Variants in ACTR3C observed in about 807,000 individuals in gnomAD.
ACTR3C encodes the protein actin-related protein 3C.
ACTR3C carries 18 observed loss-of-function variants against 26.3 expected under a neutral mutation model. That is an observed-to-expected ratio of 0.68 (90% CI 0.47 to 1.01). ACTR3C has a LOEUF of 1.01. ACTR3C is among the 50% of genes least tolerant of loss of function. ACTR3C has a pLI of 0.00. For synonymous variants in ACTR3C, 55 were observed against 94.5 expected (o/e 0.58, Z 2.42); for missense variants, 184 against 250.7 (o/e 0.73, Z 1.80).
At chr7:149,948,527 A>G in the ACTR3C span, among the ~76,000 whole-genome samples, 2 of 150,384 alleles carry the variant, frequency 1.3e-5, no homozygotes, top group Admixed American at 6.6e-5. Context: ...TTCCTGCCCC[A>G]CCCTCTCCAT....
At chr7:150,107,705 T>C in the ACTR3C span, among the ~76,000 whole-genome samples, 1 of 150,766 alleles carries the variant, frequency 6.6e-6, no homozygotes, top group Non-Finnish European at 1.5e-5. Flanking sequence ...AAGGAGGAGG[T>C]AGGGGGAGAG....
intron 6 of ACTR3C, among the ~76,000 whole-genome samples, chr7:150,281,226 G>T (rs1241005662): frequency 6.6e-6 from 1 of 151,908 alleles, no homozygotes; most frequent in Non-Finnish European, 1.5e-5. Context: ...ACAGGAATGC[G>T]CGGCCGTCCA....
At chr7:150,221,813 T>C in the ACTR3C span, among the ~76,000 whole-genome samples, 1 of 151,880 alleles carries the variant, frequency 6.6e-6, no homozygotes, top group South Asian at 2.1e-4. Context: ...GCTAACACAG[T>C]GAAACCCCGT....
intron 1 of ACTR3C, among the ~76,000 whole-genome samples, chr7:150,310,572 C>T (rs986731368): frequency 4.0e-5 from 6 of 151,564 alleles, no homozygotes; most frequent in African/African-American, 1.5e-4. Context: ...CCCCCTTCCA[C>T]AACTCATTAT....
chr7:150,041,758 G>C, the ACTR3C span, among the ~76,000 whole-genome samples: 1 of 131,186 alleles, frequency 7.6e-6, no homozygotes, highest in African/African-American at 3.0e-5. Flanking sequence ...CCAGGGGGGG[G>C]AAGAGGGACT....
chr7:150,141,377 G>A, the ACTR3C span, among the ~76,000 whole-genome samples: 1 of 152,140 alleles, frequency 6.6e-6, no homozygotes. Flanking sequence ...GAGCAAGGGA[G>A]ATTCAACCCA....
chr7:149,945,666 G>A, the ACTR3C span, among the ~76,000 whole-genome samples: 5 of 152,068 alleles, frequency 3.3e-5, no homozygotes, highest in Admixed American at 6.6e-5. Context: ...ATCCTGGGGC[G>A]GGCAGAAGCA....
At chr7:150,302,559 G>T (rs1337400888) in intron 1 of ACTR3C, among the ~76,000 whole-genome samples, 13 of 151,798 alleles carry the variant, frequency 8.6e-5, no homozygotes, top group Admixed American at 8.5e-4. Flanking sequence ...AAGGAAATGA[G>T]GAGTATAATA....
chr7:149,914,690 G>GA, the ACTR3C span, among the ~76,000 whole-genome samples: 3,836 of 147,208 alleles, frequency 0.026, 161 homozygotes, highest in African/African-American at 0.087. Flanking sequence ...GATGATGGGA[G>GA]AAAAAAAAAA....
chr7:150,198,044 C>G, the ACTR3C span, among the ~76,000 whole-genome samples: 1 of 151,432 alleles, frequency 6.6e-6, no homozygotes, highest in Admixed American at 6.6e-5. Flanking sequence ...CGGGGTTTCG[C>G]TGTGTTGGCC....
At chr7:150,038,463 G>T in the ACTR3C span, among the ~76,000 whole-genome samples, 868 of 142,918 alleles carry the variant, frequency 6.1e-3, 58 homozygotes, top group Middle Eastern at 0.021. Flanking sequence ...AAAAGTTCCG[G>T]GTCCCCGCCC....
chr7:150,041,106 A>G, the ACTR3C span, among the ~76,000 whole-genome samples: 23 of 150,728 alleles, frequency 1.5e-4, 1 homozygote, highest in South Asian at 1.1e-3. Flanking sequence ...AGGCTTTGTC[A>G]GATCGGGTAG....
intron 6 of ACTR3C, among the ~76,000 whole-genome samples, chr7:150,255,351 C>T (rs961594414): frequency 2.1e-4 from 31 of 145,890 alleles, no homozygotes; most frequent in African/African-American, 7.6e-4. Context: ...ATCTGAACTA[C>T]ATCATTTCTT....
At chr7:149,931,300 G>A in the ACTR3C span, among the ~76,000 whole-genome samples, 1 of 152,144 alleles carries the variant, frequency 6.6e-6, no homozygotes, top group Non-Finnish European at 1.5e-5. Flanking sequence ...TGTATTCCAC[G>A]CCTCAGTTTA....
At chr7:150,246,745 G>A (rs1394331418), downstream of ACTR3C, 1 of 152,082 alleles carries the variant, frequency 6.6e-6, no homozygotes, top group African/African-American at 2.4e-5. Context: ...ATAATTGAAT[G>A]CAAATACCAC....
At chr7:150,039,410 G>A in the ACTR3C span, among the ~76,000 whole-genome samples, 7 of 52,876 alleles carry the variant, frequency 1.3e-4, no homozygotes, top group Non-Finnish European at 2.2e-4. Flanking sequence ...AGAGGGACTG[G>A]CTCTCAGTCC....
the ACTR3C span, among the ~76,000 whole-genome samples, chr7:150,169,500 G>A: frequency 2.7e-5 from 4 of 149,948 alleles, no homozygotes; most frequent in Non-Finnish European, 5.9e-5. Context: ...AAAGAATTCA[G>A]CAAGAAGCTT....
the ACTR3C span, among the ~76,000 whole-genome samples, chr7:150,038,974 C>A: frequency 2.1e-5 from 2 of 96,138 alleles, 1 homozygote; most frequent in African/African-American, 7.7e-5. Flanking sequence ...GTGCCTCCCC[C>A]TCCTGCGATC....
At chr7:150,277,782 A>G (rs1181974808) in intron 6 of ACTR3C, among the ~76,000 whole-genome samples, 2 of 152,010 alleles carry the variant, frequency 1.3e-5, no homozygotes, top group East Asian at 3.9e-4. Flanking sequence ...GCCACTTCCC[A>G]ATACAGGCAC....
Sources: allele counts gnomAD v4.1 joint callset (sites outside exome capture counted in the v4.1 genomes callset), GRCh38; gene constraint gnomAD v4.1.1; transcripts MANE v1.5; gene names NCBI Gene and HGNC (gene_info 2026-07-23, HGNC 2026-07-21).